The following PARD3 variants were observed in gnomAD, a reference collection of about 807,000 sequenced individuals.
PARD3 encodes par-3 family cell polarity regulator.
A neutral mutation model predicts 155.4 loss-of-function variants in PARD3; 75 were observed. The ratio of observed to expected loss-of-function variants is 0.48; its 90% CI spans 0.40 to 0.58. The LOEUF is 0.58. Ranked by LOEUF, PARD3 falls within the 20% of genes least tolerant of loss-of-function variation. The probability of loss-of-function intolerance (pLI) is 0.00; values close to 1 mark genes in which losing one functional copy is unlikely to be tolerated. For missense variants in PARD3, 1,642 were observed against 1,721.7 expected, an observed-to-expected ratio of 0.95 and a Z score of 0.82; for synonymous variants, 576 against 610.5, an observed-to-expected ratio of 0.94 and a Z score of 0.83.
intron 22 of PARD3, among the ~76,000 whole-genome samples, chr10:34,145,221 A>ATATATATATTTTT (rs1491430560): frequency 2.9e-5 from 1 of 33,970 alleles, no homozygotes; most frequent in African/African-American, 1.4e-4. Context: ...ATATATATAT[A>ATATATATATTTTT]TTTTTTTTTT....
At chr10:34,120,710 C>T (rs1349169990) in intron 23 of PARD3, among the ~76,000 whole-genome samples, 5 of 152,182 alleles carry the variant, frequency 3.3e-5, no homozygotes, top group African/African-American at 9.7e-5. Context: ...CCAAAAGCTA[C>T]TCGCTACTTA....
intron 2 of PARD3, among the ~76,000 whole-genome samples, chr10:34,624,446 T>C (rs1483808445): frequency 6.6e-6 from 1 of 152,162 alleles, no homozygotes; most frequent in African/African-American, 2.4e-5. Context: ...AGCCACAGAA[T>C]CAGAATAAAC....
intron 23 of PARD3, among the ~76,000 whole-genome samples, chr10:34,128,113 C>G (rs1947384017): frequency 6.6e-6 from 1 of 152,162 alleles, no homozygotes; most frequent in African/African-American, 2.4e-5. Context: ...TCATGAGGTG[C>G]TTTTACACCT....
At chr10:34,185,125 T>C (rs1461974796) in intron 22 of PARD3, among the ~76,000 whole-genome samples, 1 of 152,244 alleles carries the variant, frequency 6.6e-6, no homozygotes, top group Non-Finnish European at 1.5e-5. Flanking sequence ...CTATCACTTT[T>C]AGGGCCTAGA....
At chr10:34,445,124 T>C (rs2076672684) in intron 5 of PARD3, among the ~76,000 whole-genome samples, 1 of 152,070 alleles carries the variant, frequency 6.6e-6, no homozygotes, top group Admixed American at 6.5e-5. Context: ...TTATTATATG[T>C]TTAATAGCAA....
At chr10:34,303,559 G>A (rs561974026) in intron 20 of PARD3, among the ~76,000 whole-genome samples, 193 of 150,992 alleles carry the variant, frequency 1.3e-3, no homozygotes, top group Non-Finnish European at 2.3e-3. Context: ...GAATAGAAAA[G>A]CTCAACTTGG....
chr10:34,227,856 T>TTTTATA (rs1554814033), intron 22 of PARD3, among the ~76,000 whole-genome samples: 1 of 82,278 alleles, frequency 1.2e-5, no homozygotes, highest in Non-Finnish European at 2.3e-5. Flanking sequence ...GAATTATTTT[T>TTTTATA]TATATATATA....
At chr10:34,454,645 TCCC>T (rs1419941454) in intron 4 of PARD3, among the ~76,000 whole-genome samples, 1 of 152,130 alleles carries the variant, frequency 6.6e-6, no homozygotes, top group Admixed American at 6.5e-5. Context: ...GAAATTACTC[TCCC>T]GTTTTTAAAT....
At chr10:34,369,043 T>A (rs1351759706) in intron 12 of PARD3, among the ~76,000 whole-genome samples, 1 of 151,714 alleles carries the variant, frequency 6.6e-6, no homozygotes, top group Non-Finnish European at 1.5e-5. Flanking sequence ...CTCAACATAC[T>A]AAGTCACATT....
intron 16 of PARD3, among the ~76,000 whole-genome samples, chr10:34,339,215 C>A (rs1407676637): frequency 6.6e-6 from 1 of 152,102 alleles, no homozygotes; most frequent in Non-Finnish European, 1.5e-5. Context: ...CTTTTTACCT[C>A]TTCTAGAATA....
chr10:34,792,803 C>T (rs1246272023), intron 1 of PARD3, among the ~76,000 whole-genome samples: 1 of 152,246 alleles, frequency 6.6e-6, no homozygotes, highest in African/African-American at 2.4e-5. Flanking sequence ...TGCAGAAATC[C>T]TCCTTGATGG....
chr10:34,195,768 G>A (rs1950905850), intron 22 of PARD3, among the ~76,000 whole-genome samples: 1 of 152,158 alleles, frequency 6.6e-6, no homozygotes, highest in Non-Finnish European at 1.5e-5. Flanking sequence ...TTAGGAAGAG[G>A]TATGTGATGA....
intron 22 of PARD3, among the ~76,000 whole-genome samples, chr10:34,186,307 C>G (rs1950491598): frequency 6.7e-6 from 1 of 148,978 alleles, no homozygotes; most frequent in Non-Finnish European, 1.5e-5. Flanking sequence ...CTGTAGCGGG[C>G]TATGATTGCA....
chr10:34,649,245 A>C (rs1197915568), intron 2 of PARD3, among the ~76,000 whole-genome samples: 5 of 152,228 alleles, frequency 3.3e-5, no homozygotes, highest in Admixed American at 3.3e-4. Context: ...GGAGTTTGAG[A>C]TCGGCCTGGG....
At chr10:34,710,950 A>G (rs1590765001) in intron 1 of PARD3, among the ~76,000 whole-genome samples, 1 of 152,132 alleles carries the variant, frequency 6.6e-6, no homozygotes, top group South Asian at 2.1e-4. Context: ...CCAGGGCAGG[A>G]GCATCACTCG....
intron 3 of PARD3, among the ~76,000 whole-genome samples, chr10:34,507,064 T>C (rs2081114424): frequency 6.6e-6 from 1 of 152,136 alleles, no homozygotes; most frequent in Non-Finnish European, 1.5e-5. Context: ...TGCAGTGAGC[T>C]TCCAACACCC....
At chr10:34,704,396 C>T (rs529411111) in intron 1 of PARD3, among the ~76,000 whole-genome samples, 6 of 152,086 alleles carry the variant, frequency 3.9e-5, no homozygotes, top group African/African-American at 1.4e-4. Context: ...AAATTTGTAA[C>T]CATATTTTGT....
At chr10:34,204,635 A>G (rs1428788390) in intron 22 of PARD3, among the ~76,000 whole-genome samples, 1 of 152,158 alleles carries the variant, frequency 6.6e-6, no homozygotes, top group Non-Finnish European at 1.5e-5. Flanking sequence ...GGATGCCCTA[A>G]CTTGGAACAC....
chr10:34,323,583 C>A (rs923478363), intron 19 of PARD3, among the ~76,000 whole-genome samples: 2 of 152,146 alleles, frequency 1.3e-5, no homozygotes, highest in Non-Finnish European at 2.9e-5. Context: ...TTTAAAAAAC[C>A]TTTCAATATA....
Sources: allele counts gnomAD v4.1 joint callset (sites outside exome capture counted in the v4.1 genomes callset), GRCh38; gene constraint gnomAD v4.1.1; transcripts MANE v1.5; gene names NCBI Gene and HGNC (gene_info 2026-07-23, HGNC 2026-07-21).